The following ELMO1 variants were observed in gnomAD, a reference collection of about 807,000 sequenced individuals.
The protein encoded by ELMO1 is engulfment and cell motility 1, also known as engulfment and cell motility protein 1.
In ELMO1, 26 loss-of-function variants were observed where a neutral mutation model predicts 98.9. That is an observed-to-expected ratio of 0.26 (90% CI 0.19 to 0.36). The LOEUF (loss-of-function observed/expected upper bound fraction) is 0.36, where lower values mean the gene tolerates loss of function less well. Among genes scored for constraint, ELMO1 ranks in the 10% least tolerant of loss-of-function variants. The pLI, the probability that ELMO1 is intolerant of heterozygous loss-of-function variation, is 1.00. For synonymous variants in ELMO1, 346 were observed against 346.0 expected (o/e 1.00, Z 0.00); for missense variants, 627 against 935.2 (o/e 0.67, Z 4.30).
At chr7:37,239,181 T>TG (rs1237819851) in intron 7 of ELMO1, among the ~76,000 whole-genome samples, 1 of 152,184 alleles carries the variant, frequency 6.6e-6, no homozygotes, top group Non-Finnish European at 1.5e-5. Flanking sequence ...TTTTTTTTTT[T>TG]CTGAGATGGA....
At chr7:37,006,740 A>C (rs981223144) in intron 16 of ELMO1, among the ~76,000 whole-genome samples, 14 of 152,214 alleles carry the variant, frequency 9.2e-5, no homozygotes, top group African/African-American at 2.9e-4. Flanking sequence ...GTGATAATGC[A>C]AAAGAGAAGG....
At chr7:37,302,109 C>T (rs1326450843) in intron 4 of ELMO1, among the ~76,000 whole-genome samples, 3 of 152,184 alleles carry the variant, frequency 2.0e-5, no homozygotes, top group African/African-American at 4.8e-5. Context: ...TTCTTTGCCA[C>T]TCCTTCCATG....
At chr7:37,384,142 T>C (rs1026789374) in intron 1 of ELMO1, among the ~76,000 whole-genome samples, 3 of 152,196 alleles carry the variant, frequency 2.0e-5, no homozygotes, top group African/African-American at 7.2e-5. Context: ...ATGGCTTCTA[T>C]ATTTTACTTA....
intron 14 of ELMO1, among the ~76,000 whole-genome samples, chr7:37,122,795 T>C (rs965763141): frequency 6.6e-6 from 1 of 152,166 alleles, no homozygotes; most frequent in Non-Finnish European, 1.5e-5. Flanking sequence ...CTAATAGACA[T>C]CTACAGAACT....
At chr7:36,982,436 G>A (rs1791145202) in intron 16 of ELMO1, among the ~76,000 whole-genome samples, 1 of 152,018 alleles carries the variant, frequency 6.6e-6, no homozygotes, top group South Asian at 2.1e-4. Context: ...ACTTTTTTCA[G>A]GTGAACTACT....
chr7:37,091,532 G>A (rs1784093825), intron 15 of ELMO1, among the ~76,000 whole-genome samples: 1 of 152,066 alleles, frequency 6.6e-6, no homozygotes, highest in Admixed American at 6.5e-5. Flanking sequence ...GTAAGCACAT[G>A]TGTATTCATC....
intron 14 of ELMO1, among the ~76,000 whole-genome samples, chr7:37,117,512 G>C (rs1440817594): frequency 6.6e-6 from 1 of 152,174 alleles, no homozygotes; most frequent in Non-Finnish European, 1.5e-5. Flanking sequence ...TCATCCTCAT[G>C]CTTGAAGCAT....
chr7:36,943,198 C>T (rs1033845809), intron 16 of ELMO1, among the ~76,000 whole-genome samples: 3 of 152,180 alleles, frequency 2.0e-5, no homozygotes, highest in Admixed American at 6.5e-5. Flanking sequence ...AATGAGCAGG[C>T]GACACATTCA....
At chr7:36,963,984 T>G (rs1018196149) in intron 16 of ELMO1, among the ~76,000 whole-genome samples, 1 of 152,212 alleles carries the variant, frequency 6.6e-6, no homozygotes, top group African/African-American at 2.4e-5. Context: ...TTAGATCCCA[T>G]GAAAACTAAT....
At chr7:36,992,163 CA>C (rs1791921233) in intron 16 of ELMO1, among the ~76,000 whole-genome samples, 1 of 152,210 alleles carries the variant, frequency 6.6e-6, no homozygotes, top group African/African-American at 2.4e-5. Flanking sequence ...CCAGGATCCA[CA>C]AAATGCATAC....
intron 15 of ELMO1, among the ~76,000 whole-genome samples, chr7:37,024,686 T>C (rs1019059292): frequency 3.9e-5 from 6 of 152,238 alleles, no homozygotes; most frequent in Admixed American, 1.3e-4. Flanking sequence ...ACTCATATCT[T>C]GTAGAATTGA....
At chr7:37,131,917 T>C (rs1420388194) in intron 14 of ELMO1, among the ~76,000 whole-genome samples, 1 of 152,314 alleles carries the variant, frequency 6.6e-6, no homozygotes, top group East Asian at 1.9e-4. Context: ...TGATCTGGCA[T>C]GGCCTTATTC....
At chr7:37,138,333 A>G (rs925256187) in intron 13 of ELMO1, among the ~76,000 whole-genome samples, 1 of 152,032 alleles carries the variant, frequency 6.6e-6, no homozygotes, top group African/African-American at 2.4e-5. Context: ...TAGTGAGATT[A>G]ACCAAAAAAA....
intron 16 of ELMO1, among the ~76,000 whole-genome samples, chr7:36,984,320 G>A (rs1217708990): frequency 6.6e-6 from 1 of 152,218 alleles, no homozygotes; most frequent in Non-Finnish European, 1.5e-5. Flanking sequence ...AAGGCATTCA[G>A]CTAACAAACA....
At chr7:37,398,341 A>G (rs1160191959) in intron 1 of ELMO1, among the ~76,000 whole-genome samples, 1 of 152,148 alleles carries the variant, frequency 6.6e-6, no homozygotes, top group African/African-American at 2.4e-5. Flanking sequence ...GTTTCCTTCA[A>G]ACAAAAACCC....
At chr7:36,876,562 G>T (rs532866260) in intron 19 of ELMO1, among the ~76,000 whole-genome samples, 1 of 152,260 alleles carries the variant, frequency 6.6e-6, no homozygotes, top group South Asian at 2.1e-4. Flanking sequence ...GAGATGGCTG[G>T]TCCCCACCCA....
intron 1 of ELMO1, among the ~76,000 whole-genome samples, chr7:37,360,486 A>T (rs1194683882): frequency 6.6e-6 from 1 of 152,168 alleles, no homozygotes; most frequent in Non-Finnish European, 1.5e-5. Flanking sequence ...TTTTCCAGGT[A>T]AAAATTAGCT....
At chr7:37,040,121 A>C (rs547346334) in intron 15 of ELMO1, among the ~76,000 whole-genome samples, 1 of 151,282 alleles carries the variant, frequency 6.6e-6, no homozygotes, top group South Asian at 2.1e-4. Context: ...TGAATTTTAA[A>C]ATTTTACTTA....
chr7:37,100,324 T>A (rs1035732463), intron 14 of ELMO1, among the ~76,000 whole-genome samples: 1 of 152,236 alleles, frequency 6.6e-6, no homozygotes, highest in Non-Finnish European at 1.5e-5. Context: ...GCTGCTGCAG[T>A]GTCCCCACAG....
Sources: gnomAD v4.1 joint callset for allele counts (sites outside exome capture counted in the v4.1 genomes callset) on GRCh38, gnomAD v4.1.1 for gene constraint, MANE v1.5 for transcripts, NCBI Gene and HGNC (gene_info 2026-07-23, HGNC 2026-07-21) for gene names.